ABLIM1: variants seen among roughly 807,000 people sequenced by gnomAD.
The protein encoded by ABLIM1 is actin-binding LIM protein 1.
A neutral mutation model predicts 107.0 loss-of-function variants in ABLIM1; 40 were observed. The observed-to-expected ratio is 0.37, with a 90% CI of 0.29 to 0.49. The LOEUF is 0.49. Among genes scored for constraint, ABLIM1 ranks in the 20% least tolerant of loss-of-function variants. The probability of loss-of-function intolerance (pLI) is 0.97; values close to 1 mark genes in which losing one functional copy is unlikely to be tolerated. For missense variants in ABLIM1, 857 were observed against 1,008.5 expected (o/e 0.85, Z 2.04); for synonymous variants, 357 against 357.3 (o/e 1.00, Z 0.01).
At chr10:114,706,357 C>G (rs1401490287) in intron 1 of ABLIM1, among the ~76,000 whole-genome samples, 1 of 152,208 alleles carries the variant, frequency 6.6e-6, no homozygotes, top group Non-Finnish European at 1.5e-5. Flanking sequence ...GTAGTACCAG[C>G]TCATCATCAG....
At chr10:114,798,574 C>G in the ABLIM1 span, among the ~76,000 whole-genome samples, 5 of 139,778 alleles carry the variant, frequency 3.6e-5, no homozygotes, top group Non-Finnish European at 7.8e-5. Flanking sequence ...CCCATGTCTA[C>G]AAAAATTTAA....
At chr10:114,503,964 T>G (rs924056983) in intron 6 of ABLIM1, among the ~76,000 whole-genome samples, 3 of 152,126 alleles carry the variant, frequency 2.0e-5, no homozygotes, top group Non-Finnish European at 4.4e-5. Flanking sequence ...CATATTTAAT[T>G]CCTAAATTGA....
rs200432876 is a variant in ABLIM1 at position 114,571,404 on chromosome 10, C to A, written c.566G>T (p.Arg189Leu). 1.2e-6 allele frequency: 2 copies of A among 1,613,864 alleles called. No individual in the cohort carries two copies. Among genetic ancestry groups the A allele is most frequent in the African/African-American group, 1.3e-5 (1 of 74,896 alleles). ...PNCFACTICKRPFPPGDRVTF... is the reference protein window; with the variant it reads ...PNCFACTICKLPFPPGDRVTF... ...GACTCGGTCTCCGGGTGGAAACGGGCGCCTGGAGGCAGAAAGACATCGCCC... is the reference window on the plus strand; with the variant it reads ...GACTCGGTCTCCGGGTGGAAACGGGAGCCTGGAGGCAGAAAGACATCGCCC... The change falls in exon 4 of 23, where the codon CGC becomes CTC. Residue 189 changes from arginine (R) to leucine (L), a missense_variant and splice_region_variant. By Grantham distance (102) the Arg-to-Leu change is moderately radical. This residue lies in a region of ABLIM1 where 381 missense variants were observed against 506.9 expected (regional missense o/e 0.75). Transcript: ENST00000533213.
At chr10:114,686,016 C>T (rs1169553408), upstream of ABLIM1, among the ~76,000 whole-genome samples, 3 of 152,152 alleles carry the variant, frequency 2.0e-5, no homozygotes, top group Admixed American at 1.3e-4. Context: ...AAATAGGGTG[C>T]TAGTTTAAAA....
intron 1 of ABLIM1, among the ~76,000 whole-genome samples, chr10:114,675,050 C>T (rs2141453579): frequency 6.6e-6 from 1 of 152,156 alleles, no homozygotes; most frequent in East Asian, 1.9e-4. Context: ...CCAAATGCTC[C>T]CTATGTCCTG....
At chr10:114,460,916 T>G (rs1565361280) in intron 12 of ABLIM1, among the ~76,000 whole-genome samples, 1 of 152,252 alleles carries the variant, frequency 6.6e-6, no homozygotes, top group Non-Finnish European at 1.5e-5. Flanking sequence ...CTGTGTAACT[T>G]TATAGGGCCT....
intron 1 of ABLIM1, chr10:114,613,611 C>T (rs1039528239): frequency 1.7e-6 from 2 of 1,189,080 alleles, no homozygotes; most frequent in African/African-American, 3.2e-5. Flanking sequence ...TCTGAAAAGG[C>T]ACTCTTGCTC....
upstream of ABLIM1, among the ~76,000 whole-genome samples, chr10:114,769,918 A>C (rs944110451): frequency 1.8e-4 from 28 of 152,150 alleles, no homozygotes; most frequent in African/African-American, 6.8e-4. Context: ...TTGCCAGTGA[A>C]TCACAATTCA....
chr10:114,453,483 C>A lies in ABLIM1; in HGVS notation c.1442G>T (p.Gly481Val). The A allele has an allele frequency of 6.4e-7, 1 of 1,560,532 alleles. No homozygotes were observed. The highest frequency in any genetic ancestry group is 8.7e-7 in the Non-Finnish European group (1 of 1,150,034). Reference protein sequence around the residue: ...SRSPQHFHRPGNEPSSGRNSP... With the variant: ...SRSPQHFHRPVNEPSSGRNSP... ...GTTCCGGCCGCTGGACGGCTCATTG[C>A]CTCCAATGAGAAGAATGGAAAAAAC... The change falls in exon 13 of 23, where the codon GGC (glycine) becomes GTC (valine). Residue 481 changes from glycine to valine, a missense_variant and splice_region_variant. Around this residue, in one of 5 missense-constraint regions of ABLIM1, gnomAD observed 381 missense variants for 506.9 expected, o/e 0.75. Transcript: ENST00000533213.
At chr10:114,512,139 C>G (rs74158015) in intron 6 of ABLIM1, among the ~76,000 whole-genome samples, 8,894 of 152,254 alleles carry the variant, frequency 0.058, 781 homozygotes, top group African/African-American at 0.19. Context: ...TGGGGGGAAG[C>G]TGCTTATTCC....
At chr10:114,717,072 T>A (rs75076321) in intron 1 of ABLIM1, among the ~76,000 whole-genome samples, 7,321 of 149,680 alleles carry the variant, frequency 0.049, 554 homozygotes, top group African/African-American at 0.16. Flanking sequence ...ATTCAACCAA[T>A]GTCTACTGAG....
intron 1 of ABLIM1, among the ~76,000 whole-genome samples, chr10:114,607,129 C>G (rs2076472130): frequency 6.6e-6 from 1 of 152,202 alleles, no homozygotes; most frequent in African/African-American, 2.4e-5. Context: ...GTGGTGCGAT[C>G]TTGGCTCACT....
At chr10:114,620,284 G>T (rs1390990851) in intron 1 of ABLIM1, among the ~76,000 whole-genome samples, 2 of 152,166 alleles carry the variant, frequency 1.3e-5, no homozygotes, top group Non-Finnish European at 2.9e-5. Context: ...ATGAATCCTG[G>T]GTCTTGCTGT....
intron 4 of ABLIM1, among the ~76,000 whole-genome samples, chr10:114,567,395 C>T (rs1417464865): frequency 1.3e-5 from 2 of 152,174 alleles, no homozygotes; most frequent in African/African-American, 4.8e-5. Context: ...TAGTGCCAAG[C>T]TATAGGATTG....
chr10:114,788,466 G>A, the ABLIM1 span, among the ~76,000 whole-genome samples: 2 of 150,922 alleles, frequency 1.3e-5, no homozygotes, highest in Admixed American at 6.6e-5. Flanking sequence ...GGAGGCTCAC[G>A]CCTGTAATCC....
chr10:114,659,869 C>T (rs75708300), upstream of ABLIM1, among the ~76,000 whole-genome samples: 1,221 of 152,286 alleles, frequency 8.0e-3, 14 homozygotes, highest in African/African-American at 0.028. Context: ...CTGACTCTTC[C>T]TATCCAATAG....
chr10:114,594,165 T>G (rs2075186141), intron 2 of ABLIM1, among the ~76,000 whole-genome samples: 1 of 152,190 alleles, frequency 6.6e-6, no homozygotes, highest in African/African-American at 2.4e-5. Flanking sequence ...TTTCTAGTTT[T>G]GCCCCAAAAT....
At chr10:114,755,340 G>A (rs1477684586) in intron 1 of ABLIM1, among the ~76,000 whole-genome samples, 1 of 152,176 alleles carries the variant, frequency 6.6e-6, no homozygotes. Flanking sequence ...TGTCTTCCAC[G>A]AAACCAGTCC....
At chr10:114,733,528 TAA>T in intron 1 of ABLIM1, among the ~76,000 whole-genome samples, 1 of 152,242 alleles carries the variant, frequency 6.6e-6, no homozygotes, top group East Asian at 1.9e-4. Context: ...CATGCTGAGC[TAA>T]AGTTATTTAT....
Sources: allele counts gnomAD v4.1 joint callset (sites outside exome capture counted in the v4.1 genomes callset), GRCh38; gene constraint gnomAD v4.1.1; regional missense constraint gnomAD v4.1.1; transcripts MANE v1.5; gene names NCBI Gene and HGNC (gene_info 2026-07-23, HGNC 2026-07-21).